Variants in PDGFRL observed in about 807,000 individuals in gnomAD.
The protein encoded by PDGFRL is platelet-derived growth factor receptor-like protein.
Under a neutral mutation model 37.2 loss-of-function variants are expected in PDGFRL, and 46 were observed. The observed-to-expected ratio is 1.24, with a 90% CI of 0.98 to 1.58. The LOEUF (loss-of-function observed/expected upper bound fraction) is 1.58, where lower values mean the gene tolerates loss of function less well. Among genes scored for constraint, PDGFRL ranks in the 40% most tolerant of loss-of-function variants. PDGFRL has a pLI of 0.00. For missense variants in PDGFRL, 692 were observed against 467.6 expected (o/e 1.48, Z -4.43); for synonymous variants, 251 against 184.3 (o/e 1.36, Z -2.93).
At chr8:17,625,926 T>G (rs1030703651) in intron 3 of PDGFRL, among the ~76,000 whole-genome samples, 1 of 151,936 alleles carries the variant, frequency 6.6e-6, no homozygotes, top group Non-Finnish European at 1.5e-5. Flanking sequence ...GCCCTGGAGG[T>G]TGAAACTGCA....
At chr8:17,619,453 A>G (rs1233776445) in intron 2 of PDGFRL, among the ~76,000 whole-genome samples, 1 of 152,248 alleles carries the variant, frequency 6.6e-6, no homozygotes, top group East Asian at 1.9e-4. Context: ...ACAAAATACA[A>G]AAGATAAGGA....
intron 2 of PDGFRL, among the ~76,000 whole-genome samples, chr8:17,595,565 AC>A (rs1389379505): frequency 1.3e-5 from 2 of 152,064 alleles, no homozygotes; most frequent in Non-Finnish European, 2.9e-5. Context: ...CTGGACCTAA[AC>A]AAACAAGAGC....
intron 2 of PDGFRL, among the ~76,000 whole-genome samples, chr8:17,616,429 G>A (rs1206087015): frequency 1.3e-5 from 2 of 151,980 alleles, no homozygotes; most frequent in African/African-American, 2.4e-5. Flanking sequence ...TCTTGACGTC[G>A]TGATCCACCC....
chr8:17,637,113 C>G (rs1287286953), intron 5 of PDGFRL, among the ~76,000 whole-genome samples: 2 of 152,146 alleles, frequency 1.3e-5, no homozygotes, highest in African/African-American at 4.8e-5. Flanking sequence ...ATTTCTTTCT[C>G]TTGTCTGATT....
At chr8:17,596,595 G>A (rs1234534684) in intron 2 of PDGFRL, among the ~76,000 whole-genome samples, 5 of 152,148 alleles carry the variant, frequency 3.3e-5, no homozygotes, top group Admixed American at 2.0e-4. Flanking sequence ...AAATGCATTT[G>A]AAAACATTTT....
At chr8:17,578,103 C>A (rs73562458) in intron 1 of PDGFRL, among the ~76,000 whole-genome samples, 6,665 of 151,980 alleles carry the variant, frequency 0.044, 438 homozygotes, top group South Asian at 0.17. Context: ...TTATTGTTAG[C>A]ATTTAAATGT....
chr8:17,641,898 C>CCCGCCCCCCCCCCCCGCCCCCCT (rs1339224750), intron 5 of PDGFRL, among the ~76,000 whole-genome samples: 1 of 129,862 alleles, frequency 7.7e-6, no homozygotes, highest in African/African-American at 3.2e-5. Context: ...AATAGAGGTC[C>CCCGCCCCCCCCCCCCGCCCCCCT]CCGCCACATT....
intron 2 of PDGFRL, among the ~76,000 whole-genome samples, chr8:17,599,244 C>G (rs1338005842): frequency 1.3e-5 from 2 of 152,154 alleles, no homozygotes; most frequent in Non-Finnish European, 2.9e-5. Flanking sequence ...GTCACCCAAG[C>G]AGTATACACT....
chr8:17,602,570 T>C (rs1054505567), intron 2 of PDGFRL, among the ~76,000 whole-genome samples: 5 of 152,148 alleles, frequency 3.3e-5, no homozygotes, highest in African/African-American at 9.7e-5. Flanking sequence ...AATGAGGCAT[T>C]GATTTTTCTT....
At chr8:17,603,502 CAT>C (rs1277823091) in intron 2 of PDGFRL, among the ~76,000 whole-genome samples, 2 of 152,182 alleles carry the variant, frequency 1.3e-5, no homozygotes, top group Non-Finnish European at 2.9e-5. Flanking sequence ...AGACTCAGTC[CAT>C]CCCAGATCCC....
chr8:17,588,185 A>G (rs1170171701), intron 1 of PDGFRL, among the ~76,000 whole-genome samples: 1 of 152,184 alleles, frequency 6.6e-6, no homozygotes, highest in Non-Finnish European at 1.5e-5. Flanking sequence ...CTCCTTCCCC[A>G]GAGACATTTT....
intron 2 of PDGFRL, among the ~76,000 whole-genome samples, chr8:17,590,179 C>T (rs141609363): frequency 2.8e-4 from 38 of 133,802 alleles, no homozygotes; most frequent in African/African-American, 1.0e-3. Flanking sequence ...TGCATTGAGC[C>T]GAGATAGTGC....
chr8:17,637,429 A>G (rs1476642727), intron 5 of PDGFRL, among the ~76,000 whole-genome samples: 1 of 152,184 alleles, frequency 6.6e-6, no homozygotes, highest in Admixed American at 6.6e-5. Flanking sequence ...CCATTTGATC[A>G]TGGTGGACTA....
At chr8:17,604,298 C>T (rs528908079) in intron 2 of PDGFRL, among the ~76,000 whole-genome samples, 13 of 152,164 alleles carry the variant, frequency 8.5e-5, no homozygotes, top group East Asian at 3.9e-4. Context: ...ATGTTTATAG[C>T]GGCACTATTC....
chr8:17,632,135 G>A (rs1015677382), intron 4 of PDGFRL, among the ~76,000 whole-genome samples: 2 of 152,118 alleles, frequency 1.3e-5, no homozygotes, highest in Admixed American at 1.3e-4. Context: ...TCAGGCCTGC[G>A]GCTGGAAGCC....
At chr8:17,637,731 C>T (rs778453622) in intron 5 of PDGFRL, among the ~76,000 whole-genome samples, 1 of 152,068 alleles carries the variant, frequency 6.6e-6, no homozygotes, top group Non-Finnish European at 1.5e-5. Flanking sequence ...TTTAAATTAC[C>T]ATTTCAATCT....
At position 17,628,525 on chromosome 8, in the gene PDGFRL, G is replaced by A. The variant is rs754170291; in HGVS notation, c.544G>A (p.Asp182Asn). 1.9e-6 allele frequency: 3 copies of A among 1,613,968 alleles called. No individual in the cohort carries two copies. Among genetic ancestry groups the A allele is most frequent in the South Asian group, 2.2e-5 (2 of 91,078 alleles). ...ELFVPSPSYF[D>N]VVYLNPDRQA... ...CTTTGTACCTTCTCCCAGCTACTTC[G>A]ATGTTGTCTACTTGAACCCGGACAG... is the stretch of plus-strand genomic sequence containing the variant. The change falls in exon 4 of 6, where the codon GAT (aspartate) becomes AAT (asparagine). Residue 182 changes from aspartate to asparagine, a missense_variant. Coordinates refer to ENST00000251630, the MANE Select transcript of PDGFRL (RefSeq NM_001372073.1).
chr8:17,603,997 C>T (rs752323295), intron 2 of PDGFRL, among the ~76,000 whole-genome samples: 10 of 151,754 alleles, frequency 6.6e-5, no homozygotes, highest in East Asian at 1.9e-4. Context: ...CGGTCAGAGG[C>T]GAGGGAGTGG....
intron 2 of PDGFRL, among the ~76,000 whole-genome samples, chr8:17,606,981 C>T (rs1482420182): frequency 1.3e-5 from 2 of 149,682 alleles, no homozygotes; most frequent in Non-Finnish European, 3.0e-5. Flanking sequence ...CTGCAACCTC[C>T]ACCTCCCAGG....
Sources: allele counts gnomAD v4.1 joint callset (sites outside exome capture counted in the v4.1 genomes callset), GRCh38; gene constraint gnomAD v4.1.1; transcripts MANE v1.5; gene names NCBI Gene and HGNC (gene_info 2026-07-23, HGNC 2026-07-21).